The following DLG1 variants were observed in gnomAD, a reference collection of about 807,000 sequenced individuals.
DLG1 encodes disks large homolog 1.
In DLG1, 42 loss-of-function variants were observed where a neutral mutation model predicts 123.4. The observed-to-expected ratio is 0.34, with a 90% confidence interval of 0.27 to 0.44. The LOEUF (loss-of-function observed/expected upper bound fraction) is 0.44, where lower values mean the gene tolerates loss of function less well. DLG1 is among the 20% of genes least tolerant of loss of function. The pLI is 1.00. For missense variants in DLG1, 942 were observed against 1,082.6 expected (o/e 0.87, Z 1.82); for synonymous variants, 317 against 356.2 (o/e 0.89, Z 1.24).
At chr3:197,176,236 T>C (rs925142513) in intron 5 of DLG1, among the ~76,000 whole-genome samples, 1 of 152,138 alleles carries the variant, frequency 6.6e-6, no homozygotes, top group African/African-American at 2.4e-5. Context: ...ATATGCCCCC[T>C]GCTCACACAC....
intron 5 of DLG1, among the ~76,000 whole-genome samples, chr3:197,184,803 C>T (rs570427268): frequency 2.0e-5 from 3 of 152,254 alleles, no homozygotes; most frequent in East Asian, 1.9e-4. Flanking sequence ...TACATAAATA[C>T]CACTCTGGTT....
chr3:197,192,039 T>C (rs1367821242), intron 5 of DLG1, among the ~76,000 whole-genome samples: 2 of 151,516 alleles, frequency 1.3e-5, no homozygotes, highest in Non-Finnish European at 2.9e-5. Flanking sequence ...CCAAGCATGA[T>C]GGCATGTGCC....
intron 13 of DLG1, among the ~76,000 whole-genome samples, chr3:197,114,987 G>GAAAAAAAAAAAAAAAAAAAAAAAA (rs375841391): frequency 1.2e-5 from 1 of 86,076 alleles, no homozygotes; most frequent in Non-Finnish European, 2.1e-5. Flanking sequence ...CCATCTCAAG[G>GAAAAAAAAAAAAAAAAAAAAAAAA]AAAAAAAAAA....
chr3:197,059,424 G>A (rs571099676), intron 23 of DLG1, among the ~76,000 whole-genome samples: 1 of 151,974 alleles, frequency 6.6e-6, no homozygotes, highest in Admixed American at 6.6e-5. Context: ...CTTTTAATTG[G>A]AACATTTAGT....
chr3:197,110,732 CTCTG>C (rs1161672708), intron 13 of DLG1, among the ~76,000 whole-genome samples: 7 of 152,122 alleles, frequency 4.6e-5, no homozygotes, highest in Admixed American at 2.6e-4. Context: ...CCACTGAGGT[CTCTG>C]TCTGGTTAGC....
At position 197,149,363 on chromosome 3, in the gene DLG1, C is replaced by T. The variant is rs115406334; in HGVS notation, c.537+380G>A. On this transcript the variant is annotated intron_variant, in intron 6 of 24. Transcript: ENST00000667157. Reference sequence around the variant, plus strand: ...TTACAAAGTTATAACTAATTATTTTCGTATATATGAATGCACAAAAAAAAC... The same window carrying T: ...TTACAAAGTTATAACTAATTATTTTTGTATATATGAATGCACAAAAAAAAC... 4.0e-3 allele frequency among the ~76,000 whole-genome samples: 608 copies of T among 152,176 alleles called. 4 individuals are homozygous for T. Among genetic ancestry groups the T allele is most frequent in the African/African-American group, 0.013 (538 of 41,544 alleles).
intron 8 of DLG1, among the ~76,000 whole-genome samples, chr3:197,139,469 C>T (rs1480140502): frequency 6.6e-6 from 1 of 152,118 alleles, no homozygotes; most frequent in East Asian, 1.9e-4. Flanking sequence ...TACATAAACT[C>T]TTTAGTCCTA....
In DLG1 at chr3:197,297,518, C is replaced by G. The variant is rs1341693238; in HGVS notation, c.-31-283G>C. Reference sequence around the variant, plus strand: ...GCCTAGACCTGAGGCCGCCTCTTCCCCCGCACAAGTATCCACACTCCCCAC... The same window carrying G: ...GCCTAGACCTGAGGCCGCCTCTTCCGCCGCACAAGTATCCACACTCCCCAC... On this transcript the variant is annotated intron_variant, in intron 1 of 24. Transcript: ENST00000667157. 6.6e-6 allele frequency: 8 copies of G among 1,204,652 alleles called. No individual in the cohort carries two copies. The East Asian group carries it at 3.2e-4, about 48-fold the overall frequency. 74.6% of individuals were successfully genotyped at this position (1,204,652 alleles called of 1,614,324 possible).
At chr3:197,267,052 T>C (rs1761972446) in intron 4 of DLG1, among the ~76,000 whole-genome samples, 1 of 152,166 alleles carries the variant, frequency 6.6e-6, no homozygotes, top group Non-Finnish European at 1.5e-5. Flanking sequence ...AGACAGAGGT[T>C]AATTCTGGGG....
chr3:197,297,785 C>T (rs1275878144), intron 1 of DLG1: 3 of 985,528 alleles, frequency 3.0e-6, no homozygotes, highest in South Asian at 9.4e-5. Context: ...GCCCCCACAC[C>T]TGCGGCGCCG....
rs10575004 is a variant in DLG1, at chr3:197,280,337, TTGTGTGTGTG to T, written c.318+2332_318+2341del. Among the ~76,000 whole-genome samples the T allele has an allele frequency of 6.3e-4, 95 of 150,024 alleles. 1 individual carries two copies. Among genetic ancestry groups the T allele is most frequent in the Admixed American group, 2.5e-3 (38 of 15,088 alleles). On this transcript the variant is annotated intron_variant, in intron 4 of 24. Coordinates refer to ENST00000667157, the MANE Select transcript of DLG1 (RefSeq NM_001366207.1). ...TTTTATGGCTGAATAGTAGTCCATT[TTGTGTGTGTG>T]TGTGTGTGTGTGTGTGTGTGTATCA...
intron 22 of DLG1, 90 bp downstream of exon 22, chr3:197,065,186 A>G (rs542027411): frequency 8.3e-7 from 1 of 1,210,868 alleles, no homozygotes; most frequent in Middle Eastern, 2.2e-4. Flanking sequence ...TAACAAAACT[A>G]ATTAGTGCTG....
rs1482887776 is a variant in DLG1, at chr3:197,297,368, G to A, written c.-31-133C>T. The A allele has an allele frequency of 4.1e-6, 6 of 1,461,160 alleles. No homozygotes were observed. In the African/African-American group the frequency reaches 8.6e-5, roughly 21 times the overall value. 90.5% of individuals were successfully genotyped at this position (1,461,160 alleles called of 1,614,324 possible). Reference sequence around the variant, plus strand: ...AAAGTTTTACCAAGTCAAAGAAAGAGTCTCAAAACGCAGCAGTTGTCTGTC... The same window carrying A: ...AAAGTTTTACCAAGTCAAAGAAAGAATCTCAAAACGCAGCAGTTGTCTGTC... On this transcript the variant is annotated intron_variant, in intron 1 of 24. Coordinates refer to ENST00000667157, the MANE Select transcript of DLG1 (RefSeq NM_001366207.1).
intron 5 of DLG1, chr3:197,183,500 C>G: frequency 1.5e-6 from 2 of 1,312,114 alleles, no homozygotes. Context: ...AATAAAAAAT[C>G]TATATTAAGA....
At chr3:197,068,721 A>G (rs758153421) in intron 19 of DLG1, among the ~76,000 whole-genome samples, 2 of 152,210 alleles carry the variant, frequency 1.3e-5, no homozygotes, top group African/African-American at 2.4e-5. Flanking sequence ...AAGAAAAATT[A>G]GTATTATTTT....
intron 5 of DLG1, among the ~76,000 whole-genome samples, chr3:197,185,863 TAGTG>T (rs1326039216): frequency 6.6e-6 from 1 of 152,158 alleles, no homozygotes; most frequent in Admixed American, 6.5e-5. Context: ...AGTAGGCTCT[TAGTG>T]AGCATCTATT....
At position 197,075,587 on chromosome 3, in the gene DLG1, T is replaced by G. The variant is rs894670629; in HGVS notation, c.2005+999A>C. Among the ~76,000 whole-genome samples, 15 of 151,868 alleles carry G rather than the reference T, an allele frequency of 9.9e-5. 1 individual carries two copies. The highest frequency in any genetic ancestry group is 1.8e-4 in the Non-Finnish European group (12 of 67,938). On this transcript the variant is annotated intron_variant, in intron 18 of 24. Transcript: ENST00000667157. ...CTAGCAAAAGTAACTGTCGTAAAAA[T>G]TACAAAAAGGAAAATATAGTTACGA...
At chr3:197,254,740 T>C (rs890997546) in intron 4 of DLG1, among the ~76,000 whole-genome samples, 7 of 152,132 alleles carry the variant, frequency 4.6e-5, no homozygotes, top group African/African-American at 1.4e-4. Flanking sequence ...ATACAATAAA[T>C]GAAATTAAGA....
At chr3:197,206,141 G>A (rs939412202) in intron 4 of DLG1, among the ~76,000 whole-genome samples, 7 of 152,248 alleles carry the variant, frequency 4.6e-5, no homozygotes, top group African/African-American at 1.7e-4. Flanking sequence ...AGGGTAGGCA[G>A]GGAGGGCATT....
Sources: allele counts gnomAD v4.1 joint callset (sites outside exome capture counted in the v4.1 genomes callset), GRCh38; gene constraint gnomAD v4.1.1; transcripts MANE v1.5; gene names NCBI Gene and HGNC (gene_info 2026-07-23, HGNC 2026-07-21).